The following PCED1B variants were observed in gnomAD, a reference collection of about 807,000 sequenced individuals.
The protein encoded by PCED1B is PC-esterase domain containing 1B.
For synonymous variants in PCED1B, 251 were observed against 246.1 expected, an observed-to-expected ratio of 1.02 and a Z score of -0.19; for missense variants, 573 against 573.9, an observed-to-expected ratio of 1.00 and a Z score of 0.02.
intron 2 of PCED1B, chr12:47,135,949 CAAAA>C: frequency 6.9e-6 from 1 of 145,730 alleles, no homozygotes; most frequent in Admixed American, 7.0e-5. Flanking sequence ...GATGGTTCTC[CAAAA>C]AAAAAAAAAG....
intron 2 of PCED1B, among the ~76,000 whole-genome samples, chr12:47,177,447 A>G (rs538887802): frequency 1.3e-5 from 2 of 152,234 alleles, no homozygotes; most frequent in East Asian, 3.9e-4. Flanking sequence ...GGTTCCAATC[A>G]CCCTCACACT....
chr12:47,200,667 T>C (rs915667373), intron 2 of PCED1B, among the ~76,000 whole-genome samples: 5 of 152,242 alleles, frequency 3.3e-5, no homozygotes, highest in Admixed American at 3.3e-4. Context: ...TGAATGTTTG[T>C]AGCAGCTCTA....
intron 3 of PCED1B, among the ~76,000 whole-genome samples, chr12:47,233,329 G>A (rs547907179): frequency 5.5e-4 from 83 of 152,272 alleles, no homozygotes; most frequent in Middle Eastern, 3.4e-3. Context: ...TTTTAGTAGA[G>A]ACGGGGTTTC....
At chr12:47,194,609 C>T (rs1171896538) in intron 2 of PCED1B, among the ~76,000 whole-genome samples, 1 of 152,162 alleles carries the variant, frequency 6.6e-6, no homozygotes, top group South Asian at 2.1e-4. Context: ...CTTAGACTTT[C>T]AACAGTGAAG....
At position 47,152,585 on chromosome 12, in the gene PCED1B, T is replaced by C. The variant is rs140446777; in HGVS notation, c.-526+48390T>C. Among the ~76,000 whole-genome samples, 392 of 152,308 alleles carry C rather than the reference T, an allele frequency of 2.6e-3. 1 individual carries two copies. The highest frequency in any genetic ancestry group is 9.1e-3 in the African/African-American group (379 of 41,560). The stretch of plus-strand genomic sequence containing the variant: ...GCATAAAAAGGATAATTGGAGAAAT[T>C]TGATTAAGTTCCACAGATTAGGTAA... On this transcript the variant is annotated intron_variant, in intron 2 of 3. Coordinates refer to ENST00000546455, the MANE Select transcript of PCED1B (RefSeq NM_138371.3).
intron 2 of PCED1B, among the ~76,000 whole-genome samples, chr12:47,214,284 T>C (rs1249553433): frequency 6.6e-6 from 1 of 152,186 alleles, no homozygotes; most frequent in Admixed American, 6.5e-5. Context: ...TAAAATGATA[T>C]TTTTCAAGGA....
intron 2 of PCED1B, among the ~76,000 whole-genome samples, chr12:47,106,965 G>C (rs2137243991): frequency 6.6e-6 from 1 of 152,186 alleles, no homozygotes; most frequent in Admixed American, 6.5e-5. Flanking sequence ...ACTCTGGACA[G>C]GGGATGCCCC....
intron 2 of PCED1B, among the ~76,000 whole-genome samples, chr12:47,119,287 C>A (rs887956662): frequency 1.5e-4 from 23 of 152,038 alleles, no homozygotes; most frequent in African/African-American, 5.6e-4. Context: ...CTACAAAATT[C>A]CTAGAAGAAA....
At chr12:47,180,751 G>A (rs894355422) in intron 2 of PCED1B, among the ~76,000 whole-genome samples, 6 of 150,680 alleles carry the variant, frequency 4.0e-5, no homozygotes, top group Admixed American at 2.0e-4. Context: ...AAATTTATGA[G>A]AAAAAAAAAT....
chr12:47,170,602 A>G (rs1470867147), intron 2 of PCED1B, among the ~76,000 whole-genome samples: 1 of 152,192 alleles, frequency 6.6e-6, no homozygotes, highest in Non-Finnish European at 1.5e-5. Context: ...TGGTATTAAT[A>G]TGAACTTCTC....
chr12:47,233,418 G>A (rs942559160), intron 3 of PCED1B, among the ~76,000 whole-genome samples: 11 of 152,226 alleles, frequency 7.2e-5, no homozygotes, highest in Non-Finnish European at 1.2e-4. Context: ...GATTACAGGC[G>A]TGAGCCGCCA....
At chr12:47,113,965 AACAC>A in intron 2 of PCED1B, among the ~76,000 whole-genome samples, 2 of 148,922 alleles carry the variant, frequency 1.3e-5, no homozygotes, top group Admixed American at 1.3e-4. Flanking sequence ...AGAAAAAAAA[AACAC>A]ACACACACAC....
chr12:47,219,944 G>A (rs988386305), intron 3 of PCED1B, among the ~76,000 whole-genome samples: 3 of 151,842 alleles, frequency 2.0e-5, no homozygotes, highest in Non-Finnish European at 2.9e-5. Flanking sequence ...GTGGTGGCAT[G>A]AGCCTAAAGT....
chr12:47,141,334 C>T (rs1435804475), intron 2 of PCED1B, among the ~76,000 whole-genome samples: 3 of 152,156 alleles, frequency 2.0e-5, no homozygotes, highest in Non-Finnish European at 4.4e-5. Flanking sequence ...AAAGATGGCT[C>T]CTTTGAAAGG....
At position 47,232,570 on chromosome 12, in the gene PCED1B, G is replaced by T. The variant is rs1489924453; in HGVS notation, c.-57-2437G>T. Among the ~76,000 whole-genome samples the T allele has an allele frequency of 4.6e-5, 7 of 152,256 alleles. No individual in the cohort carries two copies. The East Asian group carries it at 1.4e-3, about 29-fold the overall frequency. ...ATCTTACAAATTTCAAGCCGCACCG[G>T]ATTTTCAAGGCTTTTGTGTAAGTAG... On this transcript the variant is annotated intron_variant, in intron 3 of 3. Coordinates refer to ENST00000546455, the MANE Select transcript of PCED1B (RefSeq NM_138371.3).
intron 2 of PCED1B, among the ~76,000 whole-genome samples, chr12:47,162,533 C>A (rs535071115): frequency 6.6e-6 from 1 of 152,192 alleles, no homozygotes; most frequent in South Asian, 2.1e-4. Flanking sequence ...CACAATTCTG[C>A]GGAGTATACA....
chr12:47,206,121 T>A (rs1020261188), intron 2 of PCED1B: 2 of 152,196 alleles, frequency 1.3e-5, no homozygotes, highest in Non-Finnish European at 2.9e-5. Flanking sequence ...CTGGATGGTG[T>A]CAGCTGATCC....
intron 1 of PCED1B, among the ~76,000 whole-genome samples, chr12:47,099,602 C>A: frequency 6.6e-6 from 1 of 152,088 alleles, no homozygotes; most frequent in East Asian, 1.9e-4. Context: ...AGATAAGACC[C>A]CCTCAAAAAC....
Position 47,086,360 on chromosome 12 carries a change from T to TAAA in PCED1B, c.-609+6656_-609+6658dup, listed in dbSNP as rs3045485. ...AAAGTACTGTACTATGTGCTTATGG[T>TAAA]AAAAAAAAAAAAAAAAAAAAAAAGG... On this transcript the variant is annotated intron_variant, in intron 1 of 3. Transcript: ENST00000546455. 1.2e-3 allele frequency among the ~76,000 whole-genome samples: 119 copies of TAAA among 95,494 alleles called. 2 individuals are homozygous for TAAA. The highest frequency in any genetic ancestry group is 5.0e-3 in the African/African-American group (110 of 21,834). The allele number at this position is 95,494 out of a possible 152,430, so 62.6% of individuals were successfully genotyped here.
Sources: gnomAD v4.1 joint callset for allele counts (sites outside exome capture counted in the v4.1 genomes callset) on GRCh38, gnomAD v4.1.1 for gene constraint, MANE v1.5 for transcripts, NCBI Gene and HGNC (gene_info 2026-07-23, HGNC 2026-07-21) for gene names.